The following HCRTR2 variants were observed in gnomAD, a reference collection of about 807,000 sequenced individuals.
HCRTR2 encodes the protein orexin receptor type 2.
A neutral mutation model predicts 49.0 loss-of-function variants in HCRTR2; 22 were observed. That is an observed-to-expected ratio of 0.45 (90% CI 0.32 to 0.64). The LOEUF is 0.64. HCRTR2 is among the 30% of genes least tolerant of loss of function. The pLI, the probability that HCRTR2 is intolerant of heterozygous loss-of-function variation, is 0.04. For synonymous variants in HCRTR2, 236 were observed against 205.3 expected (o/e 1.15, Z -1.28); for missense variants, 491 against 559.4 (o/e 0.88, Z 1.23).
intron 3 of HCRTR2, among the ~76,000 whole-genome samples, chr6:55,261,636 G>T (rs1766757919): frequency 6.6e-6 from 1 of 152,078 alleles, no homozygotes; most frequent in Admixed American, 6.6e-5. Context: ...AAGGACATTG[G>T]AATGAATGTG....
chr6:55,167,536 A>C (rs937944445), intron 1 of HCRTR2, among the ~76,000 whole-genome samples: 1 of 152,204 alleles, frequency 6.6e-6, no homozygotes, highest in Admixed American at 6.5e-5. Context: ...AGAAGCCCAG[A>C]GAACTGAGAT....
rs138455082 is a variant in HCRTR2, at chr6:55,123,127, A to G, written c.-378+16582A>G. Among the ~76,000 whole-genome samples, 514 of 151,866 alleles carry G rather than the reference A, an allele frequency of 3.4e-3. 7 individuals carry two copies. Among genetic ancestry groups the G allele is most frequent in the African/African-American group, 0.012 (484 of 41,486 alleles). ...AACTTAAAGTATAATAAAAATGTAT[A>G]TATATAAAATAATAATAAAAAATAA... On this transcript the variant is annotated intron_variant, in intron 1 of 7. Transcript: ENST00000615358.
intron 1 of HCRTR2, among the ~76,000 whole-genome samples, chr6:55,239,593 T>C (rs559689650): frequency 3.2e-4 from 49 of 152,288 alleles, no homozygotes; most frequent in African/African-American, 1.1e-3. Flanking sequence ...CTAACGGTTA[T>C]CAACACTACA....
chr6:55,183,960 C>T (rs1765175454), intron 1 of HCRTR2, among the ~76,000 whole-genome samples: 1 of 152,020 alleles, frequency 6.6e-6, no homozygotes, highest in African/African-American at 2.4e-5. Context: ...TAAAGTCTCA[C>T]TCTGTTGCCC....
At chr6:55,158,425 C>G (rs1764759802) in intron 1 of HCRTR2, among the ~76,000 whole-genome samples, 1 of 152,108 alleles carries the variant, frequency 6.6e-6, no homozygotes, top group Admixed American at 6.5e-5. Context: ...TTTTCATACC[C>G]CAGTGGTGCC....
At chr6:55,183,597 G>C (rs549754507) in intron 1 of HCRTR2, among the ~76,000 whole-genome samples, 2 of 152,278 alleles carry the variant, frequency 1.3e-5, no homozygotes, top group South Asian at 4.1e-4. Context: ...TTTTCCATGA[G>C]AGCATTTTGA....
At chr6:55,220,512 G>C (rs142461578) in intron 1 of HCRTR2, among the ~76,000 whole-genome samples, 1 of 151,982 alleles carries the variant, frequency 6.6e-6, no homozygotes, top group African/African-American at 2.4e-5. Context: ...ATACCCTTTC[G>C]TAATAAAAAT....
At chr6:55,210,179 T>A (rs1311413705) in intron 1 of HCRTR2, among the ~76,000 whole-genome samples, 1 of 152,142 alleles carries the variant, frequency 6.6e-6, no homozygotes, top group Non-Finnish European at 1.5e-5. Flanking sequence ...ATTAGAAATG[T>A]GTTATTTCTT....
At chr6:55,277,195 G>C (rs1307092945) in intron 4 of HCRTR2, among the ~76,000 whole-genome samples, 185 bp from the exon 5 acceptor site, 1 of 152,046 alleles carries the variant, frequency 6.6e-6, no homozygotes, top group Non-Finnish European at 1.5e-5. Context: ...ACTCCTATTT[G>C]GTATTCGTCT....
chr6:55,206,306 A>T (rs949231859), intron 1 of HCRTR2, among the ~76,000 whole-genome samples: 1 of 152,132 alleles, frequency 6.6e-6, no homozygotes, highest in African/African-American at 2.4e-5. Flanking sequence ...AGAATCACTT[A>T]AAATAGTCAT....
chr6:55,178,830 T>C (rs1412841583), intron 1 of HCRTR2, among the ~76,000 whole-genome samples: 1 of 152,198 alleles, frequency 6.6e-6, no homozygotes, highest in Non-Finnish European at 1.5e-5. Context: ...ATTGGAATAG[T>C]TTGCTTTCTC....
At chr6:55,237,555 G>A (rs577204668) in intron 1 of HCRTR2, among the ~76,000 whole-genome samples, 15 of 152,310 alleles carry the variant, frequency 9.8e-5, no homozygotes, top group Admixed American at 2.0e-4. Flanking sequence ...TTTGTTCTCT[G>A]TTTCTCTTCT....
intron 1 of HCRTR2, among the ~76,000 whole-genome samples, chr6:55,124,933 CTTT>C (rs36014361): frequency 3.5e-5 from 5 of 141,516 alleles, no homozygotes; most frequent in South Asian, 2.3e-4. Flanking sequence ...CCAACTCCTG[CTTT>C]TTTTTTTTTT....
intron 1 of HCRTR2, among the ~76,000 whole-genome samples, chr6:55,203,143 G>T (rs115230475): frequency 0.018 from 2,805 of 152,148 alleles, 45 homozygotes; most frequent in Middle Eastern, 0.058. Context: ...GAAAAACTGT[G>T]CCTGAAACTT....
At chr6:55,141,105 T>C (rs7748236) in intron 1 of HCRTR2, among the ~76,000 whole-genome samples, 151,571 of 151,670 alleles carry the variant, frequency 1, 75,737 homozygotes, top group Middle Eastern at 1. Context: ...GAGGCCGATG[T>C]GGGTGGATCA....
chr6:55,168,264 A>G (rs959256486), intron 1 of HCRTR2, among the ~76,000 whole-genome samples: 1 of 152,206 alleles, frequency 6.6e-6, no homozygotes, highest in African/African-American at 2.4e-5. Context: ...AAGTTCCCCT[A>G]TAATTCTACT....
chr6:55,154,680 A>T (rs1014750194), intron 1 of HCRTR2, among the ~76,000 whole-genome samples: 9 of 140,682 alleles, frequency 6.4e-5, no homozygotes, highest in Admixed American at 1.5e-4. Context: ...TTGGGCAAAA[A>T]TAAATAAATA....
At chr6:55,261,361 G>A (rs1024227637) in intron 3 of HCRTR2, among the ~76,000 whole-genome samples, 2 of 151,952 alleles carry the variant, frequency 1.3e-5, no homozygotes, top group Non-Finnish European at 2.9e-5. Flanking sequence ...CTAAGAATCA[G>A]GGAAATGCAA....
At chr6:55,118,169 GA>G (rs1764146232) in intron 1 of HCRTR2, among the ~76,000 whole-genome samples, 1 of 151,770 alleles carries the variant, frequency 6.6e-6, no homozygotes, top group Non-Finnish European at 1.5e-5. Flanking sequence ...TTCTGTTCCT[GA>G]GTTAGTTTGC....
Sources: allele counts gnomAD v4.1 joint callset (sites outside exome capture counted in the v4.1 genomes callset), GRCh38; gene constraint gnomAD v4.1.1; transcripts MANE v1.5; gene names NCBI Gene and HGNC (gene_info 2026-07-23, HGNC 2026-07-21).